Variants in AK9 observed in about 807,000 individuals in gnomAD.
AK9 encodes the protein adenylate kinase domain containing 1.
In AK9, 191 loss-of-function variants were observed where a neutral mutation model predicts 239.6. The ratio of observed to expected loss-of-function variants is 0.80; its 90% CI spans 0.71 to 0.90. The LOEUF (loss-of-function observed/expected upper bound fraction) is 0.90, where lower values mean the gene tolerates loss of function less well. Ranked by LOEUF, AK9 falls within the 40% of genes least tolerant of loss-of-function variation. The pLI is 0.00. For synonymous variants in AK9, 689 were observed against 721.0 expected (o/e 0.96, Z 0.71); for missense variants, 1,995 against 2,214.7 (o/e 0.90, Z 1.99).
chr6:109,658,821 A>T (rs1421481504), intron 7 of AK9, among the ~76,000 whole-genome samples: 9 of 138,022 alleles, frequency 6.5e-5, no homozygotes, highest in South Asian at 2.5e-4. Flanking sequence ...AGCTTAAATT[A>T]AAAAAAAAAA....
Position 109,497,860 on chromosome 6 carries a change from G to C in AK9, c.5152C>G (p.Arg1718Gly). ...KRLTLSELKS[R>G]FPKCAELQGY... ...TGGAGCTCCGCACACTTAGGGAATC[G>C]ACTCTTCAGCTCTGACAGTGTCAGT... is the stretch of plus-strand genomic sequence containing the variant. The change falls in exon 37 of 41, where the codon CGA (arginine) becomes GGA (glycine). Residue 1718 changes from arginine (R) to glycine (G), a missense_variant. By Grantham distance (125) the Arg-to-Gly change is moderately radical. This residue lies in a region of AK9 where 391 missense variants were observed against 456.0 expected (regional missense o/e 0.86). Coordinates refer to ENST00000424296, the MANE Select transcript of AK9 (RefSeq NM_001145128.3). The C allele has an allele frequency of 1.9e-6, 3 of 1,613,942 alleles. No homozygotes were observed. The highest frequency in any genetic ancestry group is 2.5e-6 in the Non-Finnish European group (3 of 1,179,904).
intron 8 of AK9, among the ~76,000 whole-genome samples, chr6:109,649,450 A>G (rs1397531862): frequency 2.6e-5 from 4 of 152,168 alleles, no homozygotes; most frequent in African/African-American, 4.8e-5. Flanking sequence ...CACCAATAAC[A>G]GAGAGCCAAA....
intron 29 of AK9, among the ~76,000 whole-genome samples, chr6:109,518,063 C>A (rs559486301): frequency 6.6e-6 from 1 of 152,132 alleles, no homozygotes; most frequent in Non-Finnish European, 1.5e-5. Context: ...TCTGCCTTCA[C>A]ATTGTCTCTT....
At chr6:109,587,596 C>A (rs1374720834) in intron 17 of AK9, among the ~76,000 whole-genome samples, 1 of 152,102 alleles carries the variant, frequency 6.6e-6, no homozygotes, top group Admixed American at 6.5e-5. Flanking sequence ...ATTGTGAGAA[C>A]ATGCGGTATT....
intron 31 of AK9, among the ~76,000 whole-genome samples, chr6:109,515,071 C>A (rs891323435): frequency 1.8e-4 from 27 of 152,206 alleles, no homozygotes; most frequent in African/African-American, 6.0e-4. Context: ...GTCAGAAAAA[C>A]CAACCCTGCT....
chr6:109,530,726 C>T (rs1354939037), intron 28 of AK9, among the ~76,000 whole-genome samples: 2 of 152,204 alleles, frequency 1.3e-5, no homozygotes, highest in Non-Finnish European at 1.5e-5. Context: ...CAAAACATAT[C>T]TGCAAGGCAT....
rs1339825646 is a variant in AK9 at position 109,612,015 on chromosome 6, T to C, written c.1688A>G (p.Asp563Gly). ...DASQDVKLYS[D>G]TAPTEDLIEE... ...TTATACAAATATTAATTTACCTGTA[T>C]CTGAATACAACTTTACATCTTGACT... The change falls in exon 16 of 41, where the codon GAT (aspartate) becomes GGT (glycine). Residue 563 changes from aspartate (D) to glycine (G), a missense_variant. Physicochemically the swap from Asp to Gly is moderately conservative, Grantham distance 94. Around this residue, in one of 5 missense-constraint regions of AK9, gnomAD observed 1,290 missense variants for 1,392.7 expected, o/e 0.93. Coordinates refer to ENST00000424296, the MANE Select transcript of AK9 (RefSeq NM_001145128.3). The C allele has an allele frequency of 6.6e-7, 1 of 1,510,940 alleles. No individual in the cohort carries two copies. Among genetic ancestry groups the C allele is most frequent in the South Asian group, 1.3e-5 (1 of 79,114 alleles). The allele number at this position is 1,510,940 out of a possible 1,614,324, so 93.6% of individuals were successfully genotyped here.
At chr6:109,509,508 A>G in intron 32 of AK9, 128 bp from the exon 33 acceptor site, 5 of 822,224 alleles carry the variant, frequency 6.1e-6, no homozygotes, top group Non-Finnish European at 9.3e-6. Context: ...TCCCCCAAGT[A>G]GCAAACATAG....
chr6:109,566,880 A>G (rs974911363), intron 21 of AK9, among the ~76,000 whole-genome samples: 42 of 152,212 alleles, frequency 2.8e-4, no homozygotes, highest in Non-Finnish European at 3.8e-4. Context: ...TTTGAAACCA[A>G]TGAGAACAAG....
intron 28 of AK9, among the ~76,000 whole-genome samples, chr6:109,531,352 G>A (rs1235005723): frequency 6.6e-6 from 1 of 151,974 alleles, no homozygotes; most frequent in Non-Finnish European, 1.5e-5. Context: ...AGAGTTATTG[G>A]GTGAGGAAAG....
At chr6:109,672,058 C>A in intron 4 of AK9, 43 bp from the exon 5 acceptor site, 1 of 1,608,178 alleles carries the variant, frequency 6.2e-7, no homozygotes, top group Non-Finnish European at 8.5e-7. Context: ...TATAATATAT[C>A]TATGATACAG....
chr6:109,671,757 A>T (rs1244358287), intron 5 of AK9, among the ~76,000 whole-genome samples, 162 bp downstream of exon 5: 1 of 152,254 alleles, frequency 6.6e-6, no homozygotes, highest in Non-Finnish European at 1.5e-5. Context: ...GAGAAATAAA[A>T]ACAAGCAAAT....
intron 33 of AK9, 59 bp from the exon 34 acceptor site, chr6:109,506,859 TTC>T: frequency 6.9e-7 from 1 of 1,442,612 alleles, no homozygotes; most frequent in South Asian, 1.6e-5. Context: ...CGTACTTCCT[TTC>T]TGTCTTCCAG....
chr6:109,614,518 T>C (rs543801309), intron 13 of AK9, 38 bp from the exon 14 acceptor site: 8 of 1,520,084 alleles, frequency 5.3e-6, no homozygotes, highest in South Asian at 1.2e-5. Flanking sequence ...CAAAACGTAG[T>C]TGGGGATAGA....
rs754515323 is a variant in AK9 at position 109,612,108 on chromosome 6, T to C, written c.1610-15A>G. The C allele has an allele frequency of 6.1e-6, 9 of 1,475,964 alleles. No individual in the cohort carries two copies. The highest frequency in any genetic ancestry group is 3.8e-5 in the South Asian group (3 of 78,176). The allele number at this position is 1,475,964 out of a possible 1,614,324, so 91.4% of individuals were successfully genotyped here. On this transcript the variant is annotated splice_polypyrimidine_tract_variant and intron_variant, in intron 15 of 40. Transcript: ENST00000424296. Reference sequence around the variant, plus strand: ...TTCTTTTCCATCTGTGAATAAAACATTGTGAATGCCTAAAGAACGGTATTA... The same window carrying C: ...TTCTTTTCCATCTGTGAATAAAACACTGTGAATGCCTAAAGAACGGTATTA...
chr6:109,656,441 G>A (rs1799710902), intron 8 of AK9, among the ~76,000 whole-genome samples: 1 of 152,152 alleles, frequency 6.6e-6, no homozygotes, highest in Non-Finnish European at 1.5e-5. Context: ...CTTACAGATT[G>A]AAAATGCTTT....
Position 109,674,262 on chromosome 6 carries a change from C to A in AK9, c.118-1G>T. 6.4e-7 allele frequency: 1 copy of A among 1,555,656 alleles called. No individual in the cohort carries two copies. The highest frequency in any genetic ancestry group is 8.7e-7 in the Non-Finnish European group (1 of 1,151,006). On this transcript the variant is annotated splice_acceptor_variant, in intron 2 of 40. Transcript: ENST00000424296. LOFTEE classifies it high-confidence loss of function. ...GGGCTAATGTTGTTTTCCCAACACC[C>A]TTAAAAAGAAAAATGTTATTTAAAG...
intron 32 of AK9, among the ~76,000 whole-genome samples, chr6:109,512,834 C>T (rs1487872107): frequency 6.6e-6 from 1 of 152,160 alleles, no homozygotes; most frequent in Admixed American, 6.5e-5. Flanking sequence ...TATCAAATGC[C>T]TTTCCAGAAA....
chr6:109,660,153 G>A (rs1490798544), intron 6 of AK9, among the ~76,000 whole-genome samples: 1 of 152,128 alleles, frequency 6.6e-6, no homozygotes, highest in Non-Finnish European at 1.5e-5. Flanking sequence ...GTCACATGGA[G>A]GAACTGCAAC....
Sources: allele counts gnomAD v4.1 joint callset (sites outside exome capture counted in the v4.1 genomes callset), GRCh38; gene constraint gnomAD v4.1.1; regional missense constraint gnomAD v4.1.1; transcripts MANE v1.5; gene names NCBI Gene and HGNC (gene_info 2026-07-23, HGNC 2026-07-21).